SMPX: variants seen among roughly 807,000 people sequenced by gnomAD.
SMPX encodes the protein small muscle protein X-linked.
A neutral mutation model predicts 6.3 loss-of-function variants in SMPX; 2 were observed. That is an observed-to-expected ratio of 0.32 (90% confidence interval 0.13 to 0.99). The LOEUF is 0.99. Among genes scored for constraint, SMPX ranks in the 50% least tolerant of loss-of-function variants. The pLI is 0.49. For synonymous variants in SMPX, 32 were observed against 24.7 expected (o/e 1.30, Z -0.88); for missense variants, 60 against 66.8 (o/e 0.90, Z 0.36).
intron 2 of SMPX, among the ~76,000 whole-genome samples, chrX:21,749,155 A>G (rs2092824708): frequency 1.8e-5 from 2 of 112,357 alleles, no homozygotes; most frequent in African/African-American, 6.5e-5. Context: ...AAAACTTCCC[A>G]TGCTAAGAAG....
intron 1 of SMPX, 22 bp downstream of exon 1, chrX:21,757,920 G>T (rs949491100): frequency 3.1e-6 from 1 of 325,574 alleles, no homozygotes; most frequent in Non-Finnish European, 6.0e-6. Context: ...CCCAGTCGCC[G>T]GAGCTGCGTC....
At chrX:21,747,554 C>G (rs1375283985) in intron 2 of SMPX, among the ~76,000 whole-genome samples, 2 of 111,459 alleles carry the variant, frequency 1.8e-5, no homozygotes, top group African/African-American at 3.3e-5. Context: ...GGGCTTTGAG[C>G]CCAGAGGATT....
chrX:21,708,287 A>T (rs1219863716), intron 4 of SMPX, among the ~76,000 whole-genome samples: 1 of 112,397 alleles, frequency 8.9e-6, no homozygotes, highest in African/African-American at 3.2e-5. Flanking sequence ...GAGTGAAATA[A>T]TATACTCTAT....
In SMPX at chrX:21,709,386, A is replaced by G. The variant is rs767715515; in HGVS notation, c.*15-2992T>C. On this transcript the variant is annotated intron_variant, in intron 4 of 4. Coordinates refer to ENST00000379494, the MANE Select transcript of SMPX (RefSeq NM_014332.3). The stretch of plus-strand genomic sequence containing the variant: ...TGCTGAATTGTGATTATTTGCTTAT[A>G]TGCATCATCTCACTCCTCATGTTTC... 1.8e-4 allele frequency among the ~76,000 whole-genome samples: 20 copies of G among 112,241 alleles called. 1 individual carries two copies. Among genetic ancestry groups the G allele is most frequent in the Non-Finnish European group, 5.6e-5 (3 of 53,246 alleles).
intron 4 of SMPX, among the ~76,000 whole-genome samples, chrX:21,736,365 G>A (rs981931755): frequency 8.9e-6 from 1 of 111,792 alleles, no homozygotes; most frequent in East Asian, 2.8e-4. Flanking sequence ...CCATCTGTAA[G>A]GTGTGGTGGG....
chrX:21,708,772 A>C (rs888181205), intron 4 of SMPX, among the ~76,000 whole-genome samples: 3 of 112,664 alleles, frequency 2.7e-5, no homozygotes, highest in Non-Finnish European at 5.6e-5. Context: ...TACTCTCTTA[A>C]TACATTTTAA....
intron 4 of SMPX, among the ~76,000 whole-genome samples, chrX:21,736,427 G>A (rs2092810502): frequency 8.9e-6 from 1 of 112,103 alleles, no homozygotes; most frequent in Admixed American, 9.5e-5. Flanking sequence ...AACTTTGAAG[G>A]CAGACTCCAT....
intron 4 of SMPX, 75 bp from the exon 5 acceptor site, chrX:21,706,469 T>A (rs2092773098): frequency 3.5e-6 from 1 of 283,770 alleles, no homozygotes; most frequent in African/African-American, 2.7e-5. Context: ...CAAATAAAAA[T>A]GGTATATATT....
At chrX:21,716,241 T>A (rs758744895) in intron 4 of SMPX, among the ~76,000 whole-genome samples, 1 of 112,240 alleles carries the variant, frequency 8.9e-6, no homozygotes, top group South Asian at 3.8e-4. Flanking sequence ...TAAGCAACTT[T>A]GAAATAAAGC....
chrX:21,752,322 G>A (rs1460886401), intron 2 of SMPX, among the ~76,000 whole-genome samples: 2 of 111,371 alleles, frequency 1.8e-5, no homozygotes, highest in Non-Finnish European at 3.8e-5. Flanking sequence ...AAGACAACCC[G>A]AGAGAAGACT....
At chrX:21,708,169 T>C (rs1037013247) in intron 4 of SMPX, among the ~76,000 whole-genome samples, 5 of 112,651 alleles carry the variant, frequency 4.4e-5, no homozygotes, top group African/African-American at 1.6e-4. Context: ...GTATTGCCAA[T>C]GGCTGGAGAA....
At chrX:21,735,385 G>A (rs892910675) in intron 4 of SMPX, among the ~76,000 whole-genome samples, 2 of 112,300 alleles carry the variant, frequency 1.8e-5, no homozygotes, top group Non-Finnish European at 1.9e-5. Context: ...GTAAGAATAA[G>A]GAAAAATAGG....
At chrX:21,714,604 C>T (rs1175561879) in intron 4 of SMPX, among the ~76,000 whole-genome samples, 2 of 112,030 alleles carry the variant, frequency 1.8e-5, no homozygotes, top group African/African-American at 6.5e-5. Flanking sequence ...CCCCCCCACC[C>T]TCATCATTTA....
chrX:21,737,529 G>A lies in SMPX; in HGVS notation c.*14+20C>T, dbSNP rs757054120. 8.4e-7 allele frequency: 1 copy of A among 1,189,657 alleles called. No individual in the cohort carries two copies. The highest frequency in any genetic ancestry group is 1.8e-5 in the African/African-American group (1 of 56,962). On this transcript the variant is annotated intron_variant, in intron 4 of 4. Transcript: ENST00000379494. ...TTTACAGAGGACTTTTTGAGACAAA[G>A]AAGATAGTTTTTCACTCACCTTTTT...
chrX:21,751,186 A>G (rs953838377), intron 2 of SMPX, among the ~76,000 whole-genome samples: 1 of 112,494 alleles, frequency 8.9e-6, no homozygotes. Flanking sequence ...TAGGTCCAAT[A>G]TGTTTAGAAA....
intron 3 of SMPX, among the ~76,000 whole-genome samples, chrX:21,740,174 A>G (rs184220990): frequency 1.8e-5 from 2 of 112,344 alleles, no homozygotes; most frequent in Admixed American, 1.9e-4. Context: ...CTCATCTTTT[A>G]AAAACATAAC....
intron 2 of SMPX, 121 bp downstream of exon 2, chrX:21,754,125 A>G: frequency 1.5e-6 from 1 of 645,659 alleles, no homozygotes; most frequent in Non-Finnish European, 2.6e-6. Context: ...TCTCAATTGT[A>G]CCTTACAAAT....
intron 3 of SMPX, among the ~76,000 whole-genome samples, chrX:21,741,392 A>T (rs1167962371): frequency 8.9e-6 from 1 of 112,255 alleles, no homozygotes; most frequent in African/African-American, 3.2e-5. Context: ...AAACTAGATG[A>T]TAATGATAGT....
chrX:21,718,842 G>C (rs1234924169), intron 4 of SMPX, among the ~76,000 whole-genome samples: 1 of 112,171 alleles, frequency 8.9e-6, no homozygotes, highest in Non-Finnish European at 1.9e-5. Context: ...TAGTTAAGCT[G>C]AGCAGACATG....
Sources: gnomAD v4.1 joint callset for allele counts (sites outside exome capture counted in the v4.1 genomes callset) on GRCh38, gnomAD v4.1.1 for gene constraint, MANE v1.5 for transcripts, NCBI Gene and HGNC (gene_info 2026-07-23, HGNC 2026-07-21) for gene names.